SHISA9: variants seen among roughly 807,000 people sequenced by gnomAD.
The protein encoded by SHISA9 is protein shisa-9.
SHISA9 carries 13 observed loss-of-function variants against 38.0 expected under a neutral mutation model. The ratio of observed to expected loss-of-function variants is 0.34; its 90% CI spans 0.22 to 0.54. The LOEUF is 0.54. Ranked by LOEUF, SHISA9 falls within the 20% of genes least tolerant of loss-of-function variation. The probability of loss-of-function intolerance (pLI) is 0.91; values close to 1 mark genes in which losing one functional copy is unlikely to be tolerated. For synonymous variants in SHISA9, 275 were observed against 242.0 expected, an observed-to-expected ratio of 1.14 and a Z score of -1.27; for missense variants, 538 against 575.8, an observed-to-expected ratio of 0.93 and a Z score of 0.67.
chr16:12,952,568 G>A (rs2071772027), intron 2 of SHISA9, among the ~76,000 whole-genome samples: 2 of 152,324 alleles, frequency 1.3e-5, no homozygotes, highest in Admixed American at 6.5e-5. Flanking sequence ...ATCCCCATGT[G>A]TCAAGGGAGG....
At chr16:12,978,667 T>C (rs1006360987) in intron 2 of SHISA9, among the ~76,000 whole-genome samples, 1 of 152,216 alleles carries the variant, frequency 6.6e-6, no homozygotes, top group East Asian at 1.9e-4. Flanking sequence ...CTCATCACCT[T>C]GGATGAGGAG....
the SHISA9 span, among the ~76,000 whole-genome samples, chr16:13,431,265 T>C: frequency 0.013 from 2,036 of 152,300 alleles, 51 homozygotes; most frequent in African/African-American, 0.046. Context: ...AACTCAGTTG[T>C]TCACCTTTGT....
intron 2 of SHISA9, among the ~76,000 whole-genome samples, chr16:13,022,271 C>A (rs922538571): frequency 6.6e-6 from 1 of 152,100 alleles, no homozygotes; most frequent in African/African-American, 2.4e-5. Flanking sequence ...CTCACCTCAG[C>A]CTCTCGAGTA....
intron 4 of SHISA9, among the ~76,000 whole-genome samples, chr16:13,225,753 C>T (rs2051272950): frequency 6.6e-6 from 1 of 152,090 alleles, no homozygotes; most frequent in Non-Finnish European, 1.5e-5. Flanking sequence ...TGACGTTCTC[C>T]CTTTCCACGG....
At chr16:13,555,215 A>G in the SHISA9 span, among the ~76,000 whole-genome samples, 1 of 152,236 alleles carries the variant, frequency 6.6e-6, no homozygotes, top group Non-Finnish European at 1.5e-5. Context: ...GTGCTTGGTT[A>G]TCATAAGCAC....
At chr16:13,480,190 A>G in the SHISA9 span, among the ~76,000 whole-genome samples, 2 of 152,134 alleles carry the variant, frequency 1.3e-5, no homozygotes, top group African/African-American at 4.8e-5. Context: ...TTGAGCCTCA[A>G]TTCTAACATG....
chr16:13,525,569 AAC>A, the SHISA9 span, among the ~76,000 whole-genome samples: 439 of 152,316 alleles, frequency 2.9e-3, 6 homozygotes, highest in African/African-American at 0.01. Context: ...TCACCCTCAA[AAC>A]ACATTACAAT....
At chr16:12,936,272 G>A (rs1403877977) in intron 2 of SHISA9, among the ~76,000 whole-genome samples, 2 of 152,138 alleles carry the variant, frequency 1.3e-5, no homozygotes, top group Non-Finnish European at 2.9e-5. Context: ...CCTTTTGAGG[G>A]TTGCTAGGAA....
chr16:13,197,136 CAT>C (rs1224752464), intron 2 of SHISA9, among the ~76,000 whole-genome samples: 5 of 147,060 alleles, frequency 3.4e-5, no homozygotes, highest in Admixed American at 6.8e-5. Flanking sequence ...CACACACACA[CAT>C]ATATGTGTAT....
chr16:12,951,669 G>T (rs1356462723), intron 2 of SHISA9, among the ~76,000 whole-genome samples: 1 of 152,158 alleles, frequency 6.6e-6, no homozygotes, highest in African/African-American at 2.4e-5. Flanking sequence ...AAAGGATCTG[G>T]GGGAGGAACC....
chr16:13,147,725 G>C (rs778420748), intron 2 of SHISA9, among the ~76,000 whole-genome samples: 9 of 152,208 alleles, frequency 5.9e-5, no homozygotes, highest in Non-Finnish European at 1.0e-4. Context: ...GCCTCCCAAA[G>C]TGTGGGACTA....
the SHISA9 span, among the ~76,000 whole-genome samples, chr16:13,300,566 G>T: frequency 6.6e-6 from 1 of 152,114 alleles, no homozygotes; most frequent in East Asian, 1.9e-4. Context: ...GATTATTGAA[G>T]AACTGAGCTG....
intron 2 of SHISA9, among the ~76,000 whole-genome samples, chr16:12,947,591 C>T (rs926243067): frequency 6.6e-6 from 1 of 152,168 alleles, no homozygotes; most frequent in Non-Finnish European, 1.5e-5. Flanking sequence ...GGAGACATCA[C>T]GTGGTGGCTA....
chr16:13,448,333 GC>G, the SHISA9 span, among the ~76,000 whole-genome samples: 1 of 152,144 alleles, frequency 6.6e-6, no homozygotes, highest in Non-Finnish European at 1.5e-5. Flanking sequence ...GCCTTCAAAG[GC>G]CATTATCGAG....
At chr16:13,084,285 T>C (rs190008431) in intron 2 of SHISA9, among the ~76,000 whole-genome samples, 1 of 152,326 alleles carries the variant, frequency 6.6e-6, no homozygotes, top group African/African-American at 2.4e-5. Context: ...CTGCTGCTTC[T>C]TTTTGAAAAC....
At chr16:13,058,932 T>C (rs1426402216) in intron 2 of SHISA9, among the ~76,000 whole-genome samples, 3 of 152,070 alleles carry the variant, frequency 2.0e-5, no homozygotes, top group African/African-American at 7.2e-5. Flanking sequence ...GTGATGAGTG[T>C]GGGTTTGGGG....
rs183482192 is a variant in SHISA9, at chr16:13,118,162, A to G, written c.692-85232A>G. 3.1e-3 allele frequency among the ~76,000 whole-genome samples: 465 copies of G among 150,136 alleles called. 2 individuals are homozygous for G. The highest frequency in any genetic ancestry group is 0.011 in the African/African-American group (432 of 40,706). ...ACGCAATTGTACTCCAGCCTGGGCG[A>G]CAGAGCGAGACTTCGTCTAAAAAAA... is the stretch of plus-strand genomic sequence containing the variant. On this transcript the variant is annotated intron_variant, in intron 2 of 4. Coordinates refer to ENST00000558583, the MANE Select transcript of SHISA9 (RefSeq NM_001145204.3).
rs1567179951 is a variant in SHISA9, at chr16:13,008,668, TCCCTCCC to T, written c.691+91854_691+91860del. 9.6e-3 allele frequency among the ~76,000 whole-genome samples: 634 copies of T among 65,798 alleles called. 12 individuals carry two copies. The highest frequency in any genetic ancestry group is 0.014 in the Non-Finnish European group (529 of 36,530). 43.2% of individuals were successfully genotyped at this position (65,798 alleles called of 152,430 possible). A position where few individuals can be genotyped will look rare whatever the true frequency, so the allele number is the denominator to read the frequency against. On this transcript the variant is annotated intron_variant, in intron 2 of 4. Coordinates refer to ENST00000558583, the MANE Select transcript of SHISA9 (RefSeq NM_001145204.3). ...CTCCCTCCCTCCCTCCCTCCCTTCC[TCCCTCCC>T]TCCCTCTCTCTCTCTCTCTTTCCTG... is the stretch of plus-strand genomic sequence containing the variant.
the SHISA9 span, among the ~76,000 whole-genome samples, chr16:13,285,657 G>T: frequency 6.6e-6 from 1 of 152,000 alleles, no homozygotes; most frequent in Admixed American, 6.6e-5. Flanking sequence ...CTTTGTTAGA[G>T]TTTCTGGGTT....
Sources: gnomAD v4.1 joint callset for allele counts (sites outside exome capture counted in the v4.1 genomes callset) on GRCh38, gnomAD v4.1.1 for gene constraint, MANE v1.5 for transcripts, NCBI Gene and HGNC (gene_info 2026-07-23, HGNC 2026-07-21) for gene names.